EBF1: variants seen among roughly 807,000 people sequenced by gnomAD.
EBF1 encodes the protein transcription factor COE1.
In EBF1, 10 loss-of-function variants were observed where a neutral mutation model predicts 68.4. The ratio of observed to expected loss-of-function variants is 0.15; its 90% confidence interval spans 0.09 to 0.25. The LOEUF is 0.25. EBF1 is among the 10% of genes least tolerant of loss of function. The pLI is 1.00. For missense variants in EBF1, 509 were observed against 794.4 expected (o/e 0.64, Z 4.32); for synonymous variants, 298 against 299.8 (o/e 0.99, Z 0.06).
At position 158,969,922 on chromosome 5, in the gene EBF1, A is replaced by AGG. The variant is rs34413450; in HGVS notation, c.554+103473_554+103474insCC. 2.4e-5 allele frequency among the ~76,000 whole-genome samples: 3 copies of AGG among 125,102 alleles called. 1 individual carries two copies. Among genetic ancestry groups the AGG allele is most frequent in the Non-Finnish European group, 5.5e-5 (3 of 54,756 alleles). The allele number at this position is 125,102 out of a possible 152,430, so 82.1% of individuals were successfully genotyped here. A position where few individuals can be genotyped will look rare whatever the true frequency, so the allele number is the denominator to read the frequency against. ...AAAGAAAGAAAGAAAGAAAGAAAAA[A>AGG]AAAAAAAAGGCTGCTGGAAGTTTTG... On this transcript the variant is annotated intron_variant, in intron 6 of 15. Transcript: ENST00000313708.
At chr5:158,938,848 A>C (rs951256921) in intron 6 of EBF1, among the ~76,000 whole-genome samples, 18 of 152,208 alleles carry the variant, frequency 1.2e-4, no homozygotes, top group African/African-American at 4.1e-4. Context: ...TATTGGAAAG[A>C]CACAAACTTT....
At chr5:158,958,661 C>T (rs1422670) in intron 6 of EBF1, among the ~76,000 whole-genome samples, 2,509 of 152,150 alleles carry the variant, frequency 0.016, 21 homozygotes, top group Middle Eastern at 0.031. Flanking sequence ...ATATACACAT[C>T]CCACTGGTAT....
chr5:158,779,450 TTGTG>T (rs1775965399), intron 9 of EBF1, among the ~76,000 whole-genome samples: 3 of 152,156 alleles, frequency 2.0e-5, no homozygotes, highest in African/African-American at 7.2e-5. Flanking sequence ...TCCAAAGACT[TTGTG>T]TGTGTGTTTT....
intron 6 of EBF1, among the ~76,000 whole-genome samples, chr5:158,898,688 G>A (rs908243571): frequency 1.3e-5 from 2 of 152,182 alleles, no homozygotes; most frequent in African/African-American, 4.8e-5. Flanking sequence ...ACTCAGTGTG[G>A]CTGTCATCCA....
intron 8 of EBF1, among the ~76,000 whole-genome samples, chr5:158,814,004 A>G (rs746793319): frequency 2.6e-5 from 4 of 152,212 alleles, no homozygotes; most frequent in Non-Finnish European, 5.9e-5. Context: ...AATCAATGCA[A>G]TTGGAATTAT....
At chr5:158,873,954 A>G (rs1797338627) in intron 6 of EBF1, among the ~76,000 whole-genome samples, 2 of 152,318 alleles carry the variant, frequency 1.3e-5, no homozygotes, top group Admixed American at 1.3e-4. Flanking sequence ...CTCACATCAC[A>G]CACATAAGGG....
chr5:158,866,631 C>G (rs936770124), intron 6 of EBF1, among the ~76,000 whole-genome samples: 1 of 151,736 alleles, frequency 6.6e-6, no homozygotes, highest in Non-Finnish European at 1.5e-5. Context: ...ATATTTCACA[C>G]GTCACTTTTA....
intron 6 of EBF1, among the ~76,000 whole-genome samples, chr5:159,063,190 C>A (rs1170375042): frequency 6.6e-6 from 1 of 152,170 alleles, no homozygotes; most frequent in African/African-American, 2.4e-5. Flanking sequence ...CTTAGGCTTA[C>A]AACCTACCCT....
At chr5:158,839,945 T>C in intron 7 of EBF1, 84 bp downstream of exon 7, 3 of 1,350,824 alleles carry the variant, frequency 2.2e-6, no homozygotes, top group South Asian at 1.2e-5. Flanking sequence ...GAAAAAAAGC[T>C]ACGTATCTTC....
At chr5:159,015,843 A>G (rs910615910) in intron 6 of EBF1, among the ~76,000 whole-genome samples, 7 of 152,186 alleles carry the variant, frequency 4.6e-5, no homozygotes, top group African/African-American at 1.7e-4. Context: ...CTTAGCCTGA[A>G]AAGCAAAAAT....
rs547266683 is a variant in EBF1, at chr5:158,830,280, A to ATT, written c.637-6965_637-6964dup. 6.8e-3 allele frequency among the ~76,000 whole-genome samples: 1,009 copies of ATT among 149,344 alleles called. 10 individuals are homozygous for ATT. Among genetic ancestry groups the ATT allele is most frequent in the African/African-American group, 0.024 (969 of 40,740 alleles). On this transcript the variant is annotated intron_variant, in intron 7 of 15. Coordinates refer to ENST00000313708, the MANE Select transcript of EBF1 (RefSeq NM_024007.5). ...CACCCACCCTCAGTTCTGGCCTTTCATTTTTTTTTTGAGATGGAGTCTTGC... is the reference window on the plus strand; with the variant it reads ...CACCCACCCTCAGTTCTGGCCTTTCATTTTTTTTTTTTGAGATGGAGTCTTGC...
intron 14 of EBF1, among the ~76,000 whole-genome samples, chr5:158,709,200 T>A (rs962190057): frequency 6.6e-6 from 1 of 152,260 alleles, no homozygotes; most frequent in Non-Finnish European, 1.5e-5. Flanking sequence ...AGATATTTCT[T>A]CTATGTTATT....
chr5:159,067,435 T>C (rs553040551), intron 6 of EBF1, among the ~76,000 whole-genome samples: 1 of 152,330 alleles, frequency 6.6e-6, no homozygotes, highest in Non-Finnish European at 1.5e-5. Context: ...TGCCATTATT[T>C]CCTTTACAGG....
chr5:158,981,881 C>T (rs1029823467), intron 6 of EBF1, among the ~76,000 whole-genome samples: 1 of 152,196 alleles, frequency 6.6e-6, no homozygotes, highest in South Asian at 2.1e-4. Flanking sequence ...AATTAAAAGT[C>T]CAGCGGACAC....
intron 6 of EBF1, among the ~76,000 whole-genome samples, chr5:158,928,673 A>C (rs1376307498): frequency 6.6e-6 from 1 of 152,224 alleles, no homozygotes; most frequent in African/African-American, 2.4e-5. Flanking sequence ...GAACCTCTAC[A>C]AAAAGATTTA....
chr5:158,779,235 T>C (rs1214592142), intron 9 of EBF1, among the ~76,000 whole-genome samples: 1 of 151,342 alleles, frequency 6.6e-6, no homozygotes, highest in Non-Finnish European at 1.5e-5. Flanking sequence ...TTTTTATCCT[T>C]TTTTTTTTCA....
chr5:158,737,483 A>G (rs1245160183), intron 10 of EBF1, among the ~76,000 whole-genome samples: 4 of 151,422 alleles, frequency 2.6e-5, no homozygotes, highest in African/African-American at 7.3e-5. Context: ...ACGGGGTTTC[A>G]CCGTGTTAGA....
At chr5:158,773,170 G>A (rs1174815426) in intron 10 of EBF1, among the ~76,000 whole-genome samples, 3 of 132,306 alleles carry the variant, frequency 2.3e-5, no homozygotes, top group Non-Finnish European at 4.8e-5. Flanking sequence ...AAAATAAGAG[G>A]GATAGGGAGA....
intron 6 of EBF1, among the ~76,000 whole-genome samples, chr5:158,938,606 C>T (rs1812581369): frequency 6.6e-6 from 1 of 152,230 alleles, no homozygotes; most frequent in Non-Finnish European, 1.5e-5. Flanking sequence ...TCAATATCTG[C>T]TGAGGGCTCT....
Sources: allele counts gnomAD v4.1 joint callset (sites outside exome capture counted in the v4.1 genomes callset), GRCh38; gene constraint gnomAD v4.1.1; transcripts MANE v1.5; gene names NCBI Gene and HGNC (gene_info 2026-07-23, HGNC 2026-07-21).